Variants in SDK1 observed in about 807,000 individuals in gnomAD.
SDK1 encodes protein sidekick-1.
In SDK1, 157 loss-of-function variants were observed where a neutral mutation model predicts 245.5. The ratio of observed to expected loss-of-function variants is 0.64; its 90% CI spans 0.56 to 0.73. The LOEUF is 0.73. SDK1 is among the 30% of genes least tolerant of loss of function. The pLI, the probability that SDK1 is intolerant of heterozygous loss-of-function variation, is 0.00. For missense variants in SDK1, 3,583 were observed against 3,002.3 expected (o/e 1.19, Z -4.52); for synonymous variants, 1,647 against 1,278.5 (o/e 1.29, Z -6.15).
intron 1 of SDK1, among the ~76,000 whole-genome samples, chr7:3,568,530 C>T (rs1780000064): frequency 6.6e-6 from 1 of 152,138 alleles, no homozygotes; most frequent in Non-Finnish European, 1.5e-5. Context: ...ATTGAATTCC[C>T]TCCTTCCCCC....
At chr7:3,452,820 A>C (rs1396786702) in intron 1 of SDK1, among the ~76,000 whole-genome samples, 1 of 152,072 alleles carries the variant, frequency 6.6e-6, no homozygotes, top group Non-Finnish European at 1.5e-5. Context: ...ATAAGAGTCC[A>C]ATTCCTCTTC....
At chr7:4,015,116 A>G (rs1218785688) in intron 16 of SDK1, among the ~76,000 whole-genome samples, 1 of 152,118 alleles carries the variant, frequency 6.6e-6, no homozygotes, top group Non-Finnish European at 1.5e-5. Context: ...TCTCTTTTAC[A>G]TTCAGTGTCT....
At chr7:4,148,768 A>G (rs914103065) in intron 29 of SDK1, among the ~76,000 whole-genome samples, 2 of 152,214 alleles carry the variant, frequency 1.3e-5, no homozygotes, top group Admixed American at 1.3e-4. Flanking sequence ...GCCTTAAGAT[A>G]GCTGCTCAGC....
chr7:3,683,763 A>T (rs537504446), intron 4 of SDK1, among the ~76,000 whole-genome samples: 1 of 152,288 alleles, frequency 6.6e-6, no homozygotes, highest in East Asian at 1.9e-4. Context: ...TGCCTTAGAC[A>T]CATGCATTAC....
At chr7:4,230,576 A>G (rs768138560) in intron 40 of SDK1, among the ~76,000 whole-genome samples, 9 of 151,686 alleles carry the variant, frequency 5.9e-5, no homozygotes, top group Non-Finnish European at 1.2e-4. Context: ...GGATGAATGG[A>G]TGGATAATGA....
At chr7:3,718,343 A>G (rs1785262998) in intron 4 of SDK1, among the ~76,000 whole-genome samples, 1 of 151,740 alleles carries the variant, frequency 6.6e-6, no homozygotes, top group African/African-American at 2.4e-5. Flanking sequence ...TCAAAAAAAT[A>G]ATAAAAATAA....
chr7:4,204,273 C>T (rs1299340758), intron 35 of SDK1, among the ~76,000 whole-genome samples: 1 of 152,148 alleles, frequency 6.6e-6, no homozygotes, highest in Non-Finnish European at 1.5e-5. Context: ...TGTTAAAATT[C>T]CTCCAGTTAG....
At chr7:3,760,283 A>G (rs996001501) in intron 4 of SDK1, among the ~76,000 whole-genome samples, 3 of 152,206 alleles carry the variant, frequency 2.0e-5, no homozygotes, top group Non-Finnish European at 2.9e-5. Context: ...GGTATTTCAG[A>G]TGACCACAGT....
At chr7:3,651,130 GTT>G (rs35272140) in intron 4 of SDK1, among the ~76,000 whole-genome samples, 7 of 142,158 alleles carry the variant, frequency 4.9e-5, no homozygotes, top group Admixed American at 4.2e-4. Context: ...TTTAGTTTTA[GTT>G]TTTTTTTTTT....
Position 3,974,352 on chromosome 7 carries a change from C to G in SDK1, c.1818-17C>G, listed in dbSNP as rs139701086. The stretch of plus-strand genomic sequence containing the variant: ...ACTGTGGGGTTTGTAACTCAAGACC[C>G]TTTGCTTGGCCCACAGCTACGTTTG... On this transcript the variant is annotated splice_polypyrimidine_tract_variant and intron_variant, in intron 12 of 44. Transcript: ENST00000404826. The G allele has an allele frequency of 1.5e-5, 24 of 1,605,674 alleles. No homozygotes were observed. The highest frequency in any genetic ancestry group is 2.0e-5 in the Non-Finnish European group (23 of 1,173,262).
At chr7:3,894,947 C>A (rs1031555332) in intron 5 of SDK1, among the ~76,000 whole-genome samples, 1 of 152,036 alleles carries the variant, frequency 6.6e-6, no homozygotes, top group African/African-American at 2.4e-5. Flanking sequence ...TCCTGAAGTG[C>A]TGGGATTACA....
chr7:4,029,232 G>GTGTT lies in SDK1; in HGVS notation c.2602+11880_2602+11881insTGTT, dbSNP rs1787604719. ...ATTCTTTCTTTTTTTTTTTTTTTGT[G>GTGTT]AAGAAGTCTCACTCTGTCATCCAGG... On this transcript the variant is annotated intron_variant, in intron 17 of 44. Transcript: ENST00000404826. Among the ~76,000 whole-genome samples the GTGTT allele has an allele frequency of 5.7e-5, 4 of 70,066 alleles. 1 individual carries two copies. Among genetic ancestry groups the GTGTT allele is most frequent in the African/African-American group, 4.6e-4 (2 of 4,376 alleles). 46.0% of individuals were successfully genotyped at this position (70,066 alleles called of 152,430 possible). A position where few individuals can be genotyped will look rare whatever the true frequency, so the allele number is the denominator to read the frequency against.
rs570733168 is a variant in SDK1, at chr7:3,709,298, T to C, written c.713+67193T>C. 9.2e-5 allele frequency among the ~76,000 whole-genome samples: 14 copies of C among 152,388 alleles called. 1 individual carries two copies. The South Asian group carries it at 2.9e-3, about 32-fold the overall frequency. Reference sequence around the variant, plus strand: ...TCCTTTGGGCTTGTAAGGTTTCTCCTGAGAAGTCTGCTGATAGAAGTCAGG... The same window carrying C: ...TCCTTTGGGCTTGTAAGGTTTCTCCCGAGAAGTCTGCTGATAGAAGTCAGG... On this transcript the variant is annotated intron_variant, in intron 4 of 44. Coordinates refer to ENST00000404826, the MANE Select transcript of SDK1 (RefSeq NM_152744.4).
At chr7:3,326,138 C>T (rs1387608324) in intron 1 of SDK1, among the ~76,000 whole-genome samples, 3 of 152,040 alleles carry the variant, frequency 2.0e-5, no homozygotes, top group South Asian at 2.1e-4. Flanking sequence ...AAATGATACT[C>T]GTTCACTGCA....
chr7:3,438,849 A>ATTTTTT (rs527596036), intron 1 of SDK1, among the ~76,000 whole-genome samples: 4 of 131,182 alleles, frequency 3.0e-5, no homozygotes, highest in African/African-American at 1.3e-4. Flanking sequence ...TTGTATTAAT[A>ATTTTTT]TTTTTTTTTT....
At chr7:3,604,157 G>A (rs528923600) in intron 1 of SDK1, among the ~76,000 whole-genome samples, 15 of 152,106 alleles carry the variant, frequency 9.9e-5, no homozygotes, top group Non-Finnish European at 1.6e-4. Context: ...TTTTGGTTGT[G>A]TCTCTGCCAG....
rs922051121 is a variant in SDK1 at position 3,383,695 on chromosome 7, C to T, written c.298+81811C>T. Among the ~76,000 whole-genome samples the T allele has an allele frequency of 1.1e-4, 16 of 152,204 alleles. No homozygotes were observed. The East Asian group carries it at 1.3e-3, about 13-fold the overall frequency. On this transcript the variant is annotated intron_variant, in intron 1 of 44. Coordinates refer to ENST00000404826, the MANE Select transcript of SDK1 (RefSeq NM_152744.4). Reference sequence around the variant, plus strand: ...ATTACACGACTGAGAAAAATAATTTCCCCCAAGTTAATTGCACAAATTACT... The same window carrying T: ...ATTACACGACTGAGAAAAATAATTTTCCCCAAGTTAATTGCACAAATTACT...
At chr7:3,361,370 T>C (rs903698412) in intron 1 of SDK1, among the ~76,000 whole-genome samples, 6 of 152,246 alleles carry the variant, frequency 3.9e-5, no homozygotes, top group Admixed American at 6.5e-5. Context: ...TCCTTGTTCT[T>C]CTATTCCACT....
At chr7:3,966,055 A>T (rs1194938774) in intron 9 of SDK1, among the ~76,000 whole-genome samples, 2 of 151,966 alleles carry the variant, frequency 1.3e-5, no homozygotes, top group Non-Finnish European at 2.9e-5. Flanking sequence ...GAGAAGGGAC[A>T]TGAAAGCCTT....
Sources: gnomAD v4.1 joint callset for allele counts (sites outside exome capture counted in the v4.1 genomes callset) on GRCh38, gnomAD v4.1.1 for gene constraint, MANE v1.5 for transcripts, NCBI Gene and HGNC (gene_info 2026-07-23, HGNC 2026-07-21) for gene names.